Variants in RP1 observed in about 807,000 individuals in gnomAD.
RP1 encodes the protein oxygen-regulated protein 1.
In RP1, 16 loss-of-function variants were observed where a neutral mutation model predicts 14.8. The observed-to-expected ratio is 1.08, with a 90% CI of 0.73 to 1.65. The LOEUF is 1.65. RP1 is among the 40% of genes most tolerant of loss of function. The pLI is 0.00. For synonymous variants in RP1, 876 were observed against 883.6 expected (o/e 0.99, Z 0.15); for missense variants, 2,631 against 2,535.0 (o/e 1.04, Z -0.81).
intron 25 of RP1, among the ~76,000 whole-genome samples, chr8:54,845,063 G>T (rs931873415): frequency 1.3e-5 from 2 of 152,152 alleles, no homozygotes; most frequent in African/African-American, 2.4e-5. Context: ...AAATTCTATT[G>T]TCCACTCCAC....
At chr8:54,576,885 T>C (rs1318192545) in intron 1 of RP1, among the ~76,000 whole-genome samples, 1 of 152,216 alleles carries the variant, frequency 6.6e-6, no homozygotes, top group Non-Finnish European at 1.5e-5. Flanking sequence ...CAGGTTAAAT[T>C]TGATAGACAT....
chr8:54,768,761 A>G (rs943546093), intron 22 of RP1, among the ~76,000 whole-genome samples: 2 of 152,066 alleles, frequency 1.3e-5, no homozygotes, highest in Admixed American at 1.3e-4. Flanking sequence ...TCCAATCTTG[A>G]CCTTTTCTTC....
intron 24 of RP1, among the ~76,000 whole-genome samples, chr8:54,833,290 G>A (rs866755804): frequency 2.6e-5 from 4 of 151,952 alleles, no homozygotes; most frequent in Middle Eastern, 3.4e-3. Context: ...ATGCCCTCAT[G>A]CAAAAAGCTA....
chr8:54,646,525 C>T (rs1806553275), intron 3 of RP1, among the ~76,000 whole-genome samples: 1 of 152,106 alleles, frequency 6.6e-6, no homozygotes, highest in African/African-American at 2.4e-5. Context: ...CTAGTAATGA[C>T]CCAATGACTT....
At position 54,785,022 on chromosome 8, in the gene RP1, A is replaced by T. The variant is rs374655366; in HGVS notation, c.3615+1312A>T. 1.4e-4 allele frequency among the ~76,000 whole-genome samples: 22 copies of T among 152,204 alleles called. No individual in the cohort carries two copies. In the South Asian group the frequency reaches 1.4e-3, roughly 10 times the overall value. ...CAATACATACATATATTGTATAATG[A>T]TCAAATCAGGGTAAAAAAACATTTA... On this transcript the variant is annotated intron_variant, in intron 24 of 28. Transcript: ENST00000637698.
At chr8:54,788,355 C>T (rs531066047) in intron 24 of RP1, among the ~76,000 whole-genome samples, 34 of 152,164 alleles carry the variant, frequency 2.2e-4, no homozygotes, top group Non-Finnish European at 4.7e-4. Context: ...AAACTATTAG[C>T]CATTAGCTAG....
intron 24 of RP1, among the ~76,000 whole-genome samples, chr8:54,836,033 C>T (rs961019177): frequency 4.6e-5 from 7 of 152,188 alleles, no homozygotes; most frequent in African/African-American, 1.7e-4. Context: ...TGTCTCTGTG[C>T]ACCCAGACTA....
At chr8:54,843,222 T>G (rs140965874) in intron 25 of RP1, among the ~76,000 whole-genome samples, 316 of 152,100 alleles carry the variant, frequency 2.1e-3, no homozygotes, top group African/African-American at 5.9e-3. Flanking sequence ...TTTTATGTAT[T>G]TATGTATGTA....
intron 1 of RP1, among the ~76,000 whole-genome samples, chr8:54,577,676 A>G (rs1211062311): frequency 6.6e-6 from 1 of 152,232 alleles, no homozygotes; most frequent in Non-Finnish European, 1.5e-5. Context: ...AATCCTCAAG[A>G]TAATATTGTA....
At chr8:54,860,976 G>A (rs1358096510) in intron 27 of RP1, among the ~76,000 whole-genome samples, 1 of 152,160 alleles carries the variant, frequency 6.6e-6, no homozygotes, top group Non-Finnish European at 1.5e-5. Context: ...TGACTGGTGG[G>A]ATTAGGCTAT....
Position 54,780,632 on chromosome 8 carries a change from A to G in RP1, c.3452-2915A>G, listed in dbSNP as rs185903740. On this transcript the variant is annotated intron_variant, in intron 23 of 28. Coordinates refer to the RP1 transcript ENST00000637698. Reference sequence around the variant, plus strand: ...TTTTCTTGTCATTGTTACCTAAACAATACATTCTAACAACTATTTACATTG... The same window carrying G: ...TTTTCTTGTCATTGTTACCTAAACAGTACATTCTAACAACTATTTACATTG... Among the ~76,000 whole-genome samples, 7 of 152,362 alleles carry G rather than the reference A, an allele frequency of 4.6e-5. No individual in the cohort carries two copies. The East Asian group carries it at 1.2e-3, about 25-fold the overall frequency.
chr8:54,819,827 G>A (rs1811215084), intron 24 of RP1, among the ~76,000 whole-genome samples: 1 of 152,086 alleles, frequency 6.6e-6, no homozygotes, highest in Non-Finnish European at 1.5e-5. Context: ...CCCCTAAACA[G>A]AAAAAGCCTC....
At chr8:54,762,480 G>T (rs1809663777) in intron 22 of RP1, among the ~76,000 whole-genome samples, 1 of 152,140 alleles carries the variant, frequency 6.6e-6, no homozygotes. Context: ...TTATTTTTCT[G>T]TCTTTTGTAC....
At chr8:54,575,855 ATAATGTC>A (rs1380441533) in intron 1 of RP1, among the ~76,000 whole-genome samples, 20 of 152,272 alleles carry the variant, frequency 1.3e-4, no homozygotes, top group Admixed American at 1.1e-3. Context: ...GTTCTCAAAA[ATAATGTC>A]TATTTCTGTA....
chr8:54,800,743 G>T (rs1206955416), intron 24 of RP1, among the ~76,000 whole-genome samples: 1 of 151,926 alleles, frequency 6.6e-6, no homozygotes, highest in Admixed American at 6.6e-5. Flanking sequence ...GTACTCACCT[G>T]TTTTTTTATG....
intron 3 of RP1, among the ~76,000 whole-genome samples, chr8:54,639,814 T>C (rs544291098): frequency 6.6e-6 from 1 of 152,304 alleles, no homozygotes; most frequent in East Asian, 1.9e-4. Flanking sequence ...GCCAAAAGGC[T>C]GAGAAGCAAT....
At position 54,630,226 on chromosome 8, in the gene RP1, T is replaced by G. The variant is rs142315603; in HGVS notation, c.6344T>G (p.Leu2115Ter). 12 of 1,613,572 alleles carry G rather than the reference T, an allele frequency of 7.4e-6. No homozygotes were observed. The highest frequency in any genetic ancestry group is 8.5e-6 in the Non-Finnish European group (10 of 1,179,930). ...LLDICQVETS[L>*]NISNRNILEL... ...GATATTTGCCAAGTTGAGACCTCCT[T>G]AAATATTAGCAACAGAAATATTTTA... The change falls in exon 4 of 4, where the codon TTA becomes TGA. Residue 2115 changes from leucine to a stop codon, truncating the protein, a stop_gained. Transcript: ENST00000220676. LOFTEE classifies it low-confidence loss of function (END_TRUNC).
At position 54,709,730 on chromosome 8, in the gene RP1, G is replaced by T. The variant is rs554560820; in HGVS notation, c.2211+3075G>T. ...AGCACACCATAGCTAGGTTACATGA[G>T]CCTTGTCCAGAGGGTTAAGGTCACT... On this transcript the variant is annotated intron_variant, in intron 15 of 22. Coordinates refer to the RP1 transcript ENST00000636932. Among the ~76,000 whole-genome samples, 4 of 152,292 alleles carry T rather than the reference G, an allele frequency of 2.6e-5. No individual in the cohort carries two copies. The South Asian group carries it at 8.3e-4, about 32-fold the overall frequency.
intron 1 of RP1, among the ~76,000 whole-genome samples, chr8:54,570,274 T>C (rs1484532423): frequency 2.0e-5 from 3 of 152,116 alleles, no homozygotes; most frequent in Admixed American, 6.5e-5. Flanking sequence ...GCTGTCTCCA[T>C]TCTTCAGAAA....
Sources: allele counts gnomAD v4.1 joint callset (sites outside exome capture counted in the v4.1 genomes callset), GRCh38; gene constraint gnomAD v4.1.1; transcripts MANE v1.5; gene names NCBI Gene and HGNC (gene_info 2026-07-23, HGNC 2026-07-21).